TET3: variants seen among roughly 807,000 people sequenced by gnomAD.
The protein encoded by TET3 is methylcytosine dioxygenase TET3.
A neutral mutation model predicts 141.4 loss-of-function variants in TET3; 19 were observed. That is an observed-to-expected ratio of 0.13 (90% CI 0.09 to 0.20). The LOEUF is 0.20. TET3 is among the 10% of genes least tolerant of loss of function. TET3 has a pLI of 1.00. For synonymous variants in TET3, 1,043 were observed against 980.9 expected (o/e 1.06, Z -1.18); for missense variants, 1,874 against 2,356.9 (o/e 0.80, Z 4.24).
intron 6 of TET3, among the ~76,000 whole-genome samples, chr2:74,085,770 G>T (rs995034834): frequency 2.0e-5 from 3 of 152,136 alleles, no homozygotes; most frequent in African/African-American, 7.2e-5. Flanking sequence ...GTACAGGTCC[G>T]CACCCTGGGG....
chr2:74,082,027 A>G (rs1489360732), intron 6 of TET3, among the ~76,000 whole-genome samples: 2 of 151,692 alleles, frequency 1.3e-5, no homozygotes, highest in African/African-American at 4.9e-5. Flanking sequence ...AAAAGACGTC[A>G]GCCGTAGAGT....
Position 74,092,101 on chromosome 2 carries a change from T to TGA in TET3, c.3040-798_3040-797dup, listed in dbSNP as rs536802494. Among the ~76,000 whole-genome samples, 251 of 152,216 alleles carry TGA rather than the reference T, an allele frequency of 1.6e-3. 1 individual carries two copies. Among genetic ancestry groups the TGA allele is most frequent in the African/African-American group, 5.7e-3 (238 of 41,532 alleles). On this transcript the variant is annotated intron_variant, in intron 8 of 11. Transcript: ENST00000409262. ...GTTGGATCACCTGAGGTCAGGAGTTTGAGACCAGCCTGGCCAACACGGCAA... is the reference window on the plus strand; with the variant it reads ...GTTGGATCACCTGAGGTCAGGAGTTTGAGAGACCAGCCTGGCCAACACGGCAA...
chr2:74,121,605 T>C, the TET3 span: 4 of 152,344 alleles, frequency 2.6e-5, no homozygotes, highest in African/African-American at 9.6e-5. Flanking sequence ...AACTTCTGGC[T>C]GTTCATAAAA....
chr2:74,044,280 A>T (rs1687496165), intron 3 of TET3, among the ~76,000 whole-genome samples: 1 of 152,232 alleles, frequency 6.6e-6, no homozygotes, highest in South Asian at 2.1e-4. Flanking sequence ...CACAGAATTT[A>T]AAAATTTATA....
At chr2:74,124,226 GC>G in the TET3 span, among the ~76,000 whole-genome samples, 1 of 149,624 alleles carries the variant, frequency 6.7e-6, no homozygotes, top group African/African-American at 2.5e-5. Context: ...GGGGGGGTCA[GC>G]CCCCGCCCAG....
At chr2:74,037,809 C>T (rs533115281) in intron 3 of TET3, among the ~76,000 whole-genome samples, 2 of 152,332 alleles carry the variant, frequency 1.3e-5, no homozygotes, top group African/African-American at 2.4e-5. Context: ...TTCAAGATAA[C>T]ATTCTTGTCT....
chr2:74,002,727 C>T, intron 2 of TET3: 2 of 520,656 alleles, frequency 3.8e-6, no homozygotes, highest in Admixed American at 3.7e-5. Flanking sequence ...CTCTGCAGTG[C>T]CTCCCTCCGT....
intron 5 of TET3, among the ~76,000 whole-genome samples, chr2:74,079,078 G>C (rs34136450): frequency 0.23 from 34,656 of 152,180 alleles, 4,273 homozygotes; most frequent in Non-Finnish European, 0.28. Context: ...CCTGGCATGC[G>C]TGGCTCACAC....
intron 4 of TET3, among the ~76,000 whole-genome samples, chr2:74,067,748 G>A (rs1688988558): frequency 6.6e-6 from 1 of 152,174 alleles, no homozygotes; most frequent in Admixed American, 6.5e-5. Context: ...TCCAAAAGGA[G>A]AGATCCAGAA....
At chr2:74,024,787 C>T (rs548935862) in intron 3 of TET3, among the ~76,000 whole-genome samples, 3 of 152,128 alleles carry the variant, frequency 2.0e-5, no homozygotes, top group African/African-American at 7.2e-5. Flanking sequence ...TTTTTTATTT[C>T]GGCATAATTT....
chr2:74,008,913 T>G (rs1248648211), intron 3 of TET3, among the ~76,000 whole-genome samples: 1 of 152,198 alleles, frequency 6.6e-6, no homozygotes, highest in African/African-American at 2.4e-5. Context: ...ATTGGATTTC[T>G]CAACCCCGCC....
intron 3 of TET3, among the ~76,000 whole-genome samples, chr2:74,025,996 C>T (rs1369365508): frequency 6.6e-6 from 1 of 152,140 alleles, no homozygotes; most frequent in East Asian, 1.9e-4. Context: ...ACTCCTTGTC[C>T]TCATAGCTCC....
At chr2:74,131,553 C>T in the TET3 span, among the ~76,000 whole-genome samples, 1 of 152,154 alleles carries the variant, frequency 6.6e-6, no homozygotes, top group Non-Finnish European at 1.5e-5. Context: ...GTGGTCTAAC[C>T]AGGGCTGAGG....
intron 3 of TET3, among the ~76,000 whole-genome samples, chr2:74,008,365 T>C (rs1685253367): frequency 6.6e-6 from 1 of 152,244 alleles, no homozygotes; most frequent in Non-Finnish European, 1.5e-5. Context: ...GGAGCCCCTG[T>C]ACTGTGTGTG....
chr2:74,049,310 C>T (rs908362805), intron 4 of TET3, among the ~76,000 whole-genome samples: 6 of 152,184 alleles, frequency 3.9e-5, no homozygotes, highest in Admixed American at 6.5e-5. Context: ...CTGAGTTACA[C>T]GTTTGGACCT....
At chr2:74,023,232 ATTTATT>A (rs894599564) in intron 3 of TET3, among the ~76,000 whole-genome samples, 7 of 151,754 alleles carry the variant, frequency 4.6e-5, no homozygotes, top group African/African-American at 7.3e-5. Context: ...ATGTAGTTTG[ATTTATT>A]TTTATTTTTA....
In TET3 at chr2:74,106,093, C is replaced by CAT. The variant is rs1691483873; in HGVS notation, c.*3917_*3918insAT. 1 of 148,272 alleles carries CAT rather than the reference C, an allele frequency of 6.7e-6. No individual in the cohort carries two copies. Among genetic ancestry groups the CAT allele is most frequent in the African/African-American group, 2.5e-5 (1 of 40,462 alleles). 9.2% of individuals were successfully genotyped at this position (148,272 alleles called of 1,614,324 possible). ...AACAAGGTGGGCTCCAGTCTCTTGG[C>CAT]TTTTTTTTTTCCCTCCCCTCTTTTG... On this transcript the variant is annotated 3_prime_UTR_variant, in exon 12 of 12. Coordinates refer to ENST00000409262, the MANE Select transcript of TET3 (RefSeq NM_001287491.2).
chr2:74,114,368 G>A, the TET3 span, among the ~76,000 whole-genome samples: 1 of 152,038 alleles, frequency 6.6e-6, no homozygotes, highest in African/African-American at 2.4e-5. Flanking sequence ...TACACAGCTT[G>A]GGTGATAGGT....
At position 74,024,713 on chromosome 2, in the gene TET3, C is replaced by T. The variant is rs139324145; in HGVS notation, c.360+21547C>T. On this transcript the variant is annotated intron_variant, in intron 3 of 11. Transcript: ENST00000409262. Reference sequence around the variant, plus strand: ...TCGTTGTAAGATTTGGGGAATGTTACCTTTTCACAGAAACTAGAAAAGCCA... The same window carrying T: ...TCGTTGTAAGATTTGGGGAATGTTATCTTTTCACAGAAACTAGAAAAGCCA... Among the ~76,000 whole-genome samples, 1,379 of 152,214 alleles carry T rather than the reference C, an allele frequency of 9.1e-3. 5 individuals carry two copies. Among genetic ancestry groups the T allele is most frequent in the Non-Finnish European group, 0.014 (960 of 68,006 alleles).
Sources: allele counts gnomAD v4.1 joint callset (sites outside exome capture counted in the v4.1 genomes callset), GRCh38; gene constraint gnomAD v4.1.1; transcripts MANE v1.5; gene names NCBI Gene and HGNC (gene_info 2026-07-23, HGNC 2026-07-21).